Variants in CFAP95 observed in about 807,000 individuals in gnomAD.
CFAP95 encodes cilia- and flagella-associated protein 95.
At chr9:69,888,336 G>A in the CFAP95 span, among the ~76,000 whole-genome samples, 1 of 152,004 alleles carries the variant, frequency 6.6e-6, no homozygotes, top group African/African-American at 2.4e-5. Flanking sequence ...CATAGAAACA[G>A]CAAATGTGGT....
At chr9:69,860,733 A>G in the CFAP95 span, among the ~76,000 whole-genome samples, 2 of 151,478 alleles carry the variant, frequency 1.3e-5, no homozygotes, top group Non-Finnish European at 2.9e-5. Context: ...TTATTAAACA[A>G]TTTTTTTTAC....
the CFAP95 span, among the ~76,000 whole-genome samples, chr9:69,828,850 A>G: frequency 6.6e-6 from 1 of 152,224 alleles, no homozygotes; most frequent in African/African-American, 2.4e-5. Context: ...TCCATAATGA[A>G]CATGTATTTT....
the CFAP95 span, among the ~76,000 whole-genome samples, chr9:69,870,795 T>C: frequency 3.2e-4 from 48 of 152,224 alleles, no homozygotes; most frequent in African/African-American, 1.1e-3. Flanking sequence ...AGCACTGAAT[T>C]CAGATTTGGG....
At chr9:69,856,427 T>G in the CFAP95 span, 1 of 538,192 alleles carries the variant, frequency 1.9e-6, no homozygotes, top group Non-Finnish European at 3.3e-6. Context: ...TATGATCTAT[T>G]ACTTATTTTT....
At chr9:69,859,109 TA>T in the CFAP95 span, among the ~76,000 whole-genome samples, 1 of 152,218 alleles carries the variant, frequency 6.6e-6, no homozygotes, top group African/African-American at 2.4e-5. Flanking sequence ...TATAAACTCA[TA>T]TCAGTTCAGA....
the CFAP95 span, among the ~76,000 whole-genome samples, chr9:69,831,073 TTAAC>T: frequency 6.6e-6 from 1 of 152,200 alleles, no homozygotes; most frequent in Non-Finnish European, 1.5e-5. Context: ...TTATTTTTAT[TTAAC>T]TAAGTTGTGA....
chr9:69,901,890 G>A, the CFAP95 span, among the ~76,000 whole-genome samples: 8 of 152,264 alleles, frequency 5.3e-5, no homozygotes, highest in South Asian at 1.2e-3. Context: ...TCTAACTGGT[G>A]TGAGATGGTA....
At chr9:69,867,212 A>G in the CFAP95 span, among the ~76,000 whole-genome samples, 11 of 152,262 alleles carry the variant, frequency 7.2e-5, no homozygotes, top group East Asian at 1.4e-3. Context: ...AACCTATTCT[A>G]TCGCTATCCT....
the CFAP95 span, among the ~76,000 whole-genome samples, chr9:69,840,294 A>G: frequency 5.3e-5 from 8 of 152,208 alleles, no homozygotes; most frequent in African/African-American, 1.7e-4. Flanking sequence ...TGAAATATAC[A>G]TTATTGCACC....
chr9:69,852,821 T>C, the CFAP95 span, among the ~76,000 whole-genome samples: 1 of 152,150 alleles, frequency 6.6e-6, no homozygotes, highest in Non-Finnish European at 1.5e-5. Flanking sequence ...GTTCTTGTAA[T>C]AGTGCATAAG....
chr9:69,848,443 G>A, the CFAP95 span, among the ~76,000 whole-genome samples: 1 of 152,174 alleles, frequency 6.6e-6, no homozygotes, highest in South Asian at 2.1e-4. Context: ...CATGGGACAT[G>A]CCATTCAATG....
the CFAP95 span, among the ~76,000 whole-genome samples, chr9:69,841,164 T>TTTTATATATATA: frequency 3.5e-3 from 194 of 56,044 alleles, 16 homozygotes; most frequent in Non-Finnish European, 4.8e-3. Context: ...CCAAGCTGGA[T>TTTTATATATATA]TATATATATA....
chr9:69,833,977 A>T, the CFAP95 span, among the ~76,000 whole-genome samples: 1 of 152,214 alleles, frequency 6.6e-6, no homozygotes, highest in South Asian at 2.1e-4. Flanking sequence ...TGTGATTTAA[A>T]ATAGATCTTA....
chr9:69,848,517 A>G, the CFAP95 span, among the ~76,000 whole-genome samples: 1 of 152,326 alleles, frequency 6.6e-6, no homozygotes, highest in East Asian at 1.9e-4. Context: ...AACATTCACC[A>G]GTGCCAGAGA....
chr9:69,857,691 A>AT, the CFAP95 span, among the ~76,000 whole-genome samples: 16 of 151,708 alleles, frequency 1.1e-4, no homozygotes, highest in East Asian at 1.2e-3. Context: ...CGTCCGGCTA[A>AT]TTTTTTTTGT....
At chr9:69,883,606 G>A in the CFAP95 span, among the ~76,000 whole-genome samples, 1 of 152,104 alleles carries the variant, frequency 6.6e-6, no homozygotes, top group South Asian at 2.1e-4. Flanking sequence ...TCATGGTTCA[G>A]TCTTGGTAGG....
the CFAP95 span, among the ~76,000 whole-genome samples, chr9:69,865,978 A>G: frequency 6.6e-6 from 1 of 152,192 alleles, no homozygotes; most frequent in Non-Finnish European, 1.5e-5. Context: ...CAGAGAAGTA[A>G]ATAACATGTC....
the CFAP95 span, among the ~76,000 whole-genome samples, chr9:69,865,941 A>G: frequency 6.6e-6 from 1 of 152,168 alleles, no homozygotes; most frequent in African/African-American, 2.4e-5. Context: ...TCATTATCTG[A>G]ATTCTGTGAT....
chr9:69,888,885 G>GAAAAA, the CFAP95 span, among the ~76,000 whole-genome samples: 2 of 148,766 alleles, frequency 1.3e-5, no homozygotes. Context: ...CTCAAAAAGG[G>GAAAAA]AAAAAAAAAA....
Sources: allele counts gnomAD v4.1 joint callset (sites outside exome capture counted in the v4.1 genomes callset), GRCh38; gene constraint gnomAD v4.1.1; transcripts MANE v1.5; gene names NCBI Gene and HGNC (gene_info 2026-07-23, HGNC 2026-07-21).